Variants in USP45 observed in about 807,000 individuals in gnomAD.
USP45 encodes the protein ubiquitin carboxyl-terminal hydrolase 45.
A neutral mutation model predicts 95.8 loss-of-function variants in USP45; 89 were observed. The observed-to-expected ratio is 0.93, with a 90% CI of 0.78 to 1.11. The LOEUF (loss-of-function observed/expected upper bound fraction) is 1.11, where lower values mean the gene tolerates loss of function less well. USP45 is among the 50% of genes least tolerant of loss of function. USP45 has a pLI of 0.00. For synonymous variants in USP45, 281 were observed against 316.2 expected, an observed-to-expected ratio of 0.89 and a Z score of 1.18; for missense variants, 898 against 942.5, an observed-to-expected ratio of 0.95 and a Z score of 0.62.
At position 99,508,685 on chromosome 6, in the gene USP45, T is replaced by C. The variant is rs1228466165; in HGVS notation, c.198A>G (p.Leu66=). 2.5e-6 allele frequency: 4 copies of C among 1,613,876 alleles called. No homozygotes were observed. The highest frequency in any genetic ancestry group is 3.4e-6 in the Non-Finnish European group (4 of 1,179,932). ...ENLWSVCSEC[L]KERRFYDGQL... ...GCCCATCATAGAATCTTCTTTCTTT[T>C]AAACATTCTGAGCAAACTGACCACA... Residue 66 remains leucine (L), a synonymous_variant, in exon 3 of 18, where the codon TTA becomes TTG. Coordinates refer to ENST00000500704, the MANE Select transcript of USP45 (RefSeq NM_001346022.3).
chr6:99,487,633 C>CAA (rs11335830), intron 7 of USP45, among the ~76,000 whole-genome samples: 12 of 106,386 alleles, frequency 1.1e-4, no homozygotes, highest in South Asian at 3.3e-4. Context: ...ACTAAAAATA[C>CAA]AAAAAAAAAA....
intron 15 of USP45, among the ~76,000 whole-genome samples, chr6:99,441,129 C>T (rs1562297598): frequency 6.7e-6 from 1 of 148,194 alleles, no homozygotes; most frequent in African/African-American, 2.5e-5. Flanking sequence ...CTAGGCCTTA[C>T]GTCTGGCATG....
At chr6:99,472,296 C>A (rs574267229) in intron 9 of USP45, among the ~76,000 whole-genome samples, 1 of 150,810 alleles carries the variant, frequency 6.6e-6, no homozygotes, top group African/African-American at 2.4e-5. Context: ...CAGCTCACTG[C>A]AACCTCCACC....
chr6:99,517,596 A>C (rs897675030), upstream of USP45, among the ~76,000 whole-genome samples: 1 of 126,336 alleles, frequency 7.9e-6, no homozygotes, highest in Non-Finnish European at 1.6e-5. Flanking sequence ...CACCACACAT[A>C]GCTAATTTTT....
intron 14 of USP45, 79 bp from the exon 15 acceptor site, chr6:99,443,741 G>A: frequency 2.3e-6 from 2 of 881,716 alleles, no homozygotes; most frequent in Non-Finnish European, 3.3e-6. Context: ...TTATACAGAA[G>A]TATCATACCA....
chr6:99,507,922 AG>A (rs1798889712), intron 3 of USP45, among the ~76,000 whole-genome samples: 2 of 152,194 alleles, frequency 1.3e-5, no homozygotes, highest in Non-Finnish European at 2.9e-5. Flanking sequence ...TTCCCTCACT[AG>A]GTAAGTAAAG....
At chr6:99,510,718 C>G (rs1222969259) in intron 1 of USP45, among the ~76,000 whole-genome samples, 1 of 152,118 alleles carries the variant, frequency 6.6e-6, no homozygotes, top group Non-Finnish European at 1.5e-5. Context: ...CTTCCCAGCT[C>G]CCAGTATTGT....
At chr6:99,436,117 A>G (rs1040630530) in intron 17 of USP45, among the ~76,000 whole-genome samples, 2 of 152,004 alleles carry the variant, frequency 1.3e-5, no homozygotes, top group Non-Finnish European at 2.9e-5. Context: ...CCTGTCATCT[A>G]CATTACGTAT....
chr6:99,476,080 T>A lies in USP45; in HGVS notation c.933+63A>T. On this transcript the variant is annotated intron_variant, in intron 9 of 17. Transcript: ENST00000500704. The stretch of plus-strand genomic sequence containing the variant: ...GATCCACCCCGCCTTGGCCCCCCAA[T>A]AATCCCTTAGTTTTGTATCCTCTTC... 3 of 1,496,674 alleles carry A rather than the reference T, an allele frequency of 2.0e-6. No homozygotes were observed. The South Asian group carries it at 3.5e-5, about 18-fold the overall frequency. The allele number at this position is 1,496,674 out of a possible 1,614,324, so 92.7% of individuals were successfully genotyped here.
intron 10 of USP45, among the ~76,000 whole-genome samples, chr6:99,467,169 T>C (rs1788173003): frequency 6.6e-6 from 1 of 152,120 alleles, no homozygotes; most frequent in Admixed American, 6.6e-5. Context: ...AAGGCAAGTG[T>C]AAGGAATTAA....
chr6:99,468,650 A>C, intron 9 of USP45, 32 bp from the exon 10 acceptor site: 2 of 1,452,174 alleles, frequency 1.4e-6, no homozygotes, highest in Non-Finnish European at 1.9e-6. Context: ...TTCTGGTCTA[A>C]TAATAGTTAA....
intron 11 of USP45, 118 bp from the exon 12 acceptor site, chr6:99,465,254 T>A: frequency 2.8e-6 from 2 of 718,212 alleles, no homozygotes; most frequent in South Asian, 6.6e-5. Flanking sequence ...TAAAAACTGT[T>A]CCTGAAAAAA....
At chr6:99,476,279 T>C in intron 8 of USP45, 49 bp from the exon 9 acceptor site, 1 of 1,547,872 alleles carries the variant, frequency 6.5e-7, no homozygotes, top group Non-Finnish European at 8.9e-7. Flanking sequence ...AATCATTCCA[T>C]GGTTCATCAA....
Position 99,468,935 on chromosome 6 carries a change from TCTTTCTTC to T in USP45, c.934-325_934-318del, listed in dbSNP as rs530015910. Among the ~76,000 whole-genome samples the T allele has an allele frequency of 2.9e-3, 442 of 152,246 alleles. 3 individuals are homozygous for T. Among genetic ancestry groups the T allele is most frequent in the African/African-American group, 0.01 (418 of 41,570 alleles). On this transcript the variant is annotated intron_variant, in intron 9 of 17. Coordinates refer to ENST00000500704, the MANE Select transcript of USP45 (RefSeq NM_001346022.3). Reference sequence around the variant, plus strand: ...TTGCTTAGCATAAATTAATTTGCCCTCTTTCTTCCTTCTCCCTCTCTCTAAAATGACAC... The same window carrying T: ...TTGCTTAGCATAAATTAATTTGCCCTCTTCTCCCTCTCTCTAAAATGACAC...
rs1780081292 is a variant in USP45, at chr6:99,433,922, T to C, written c.*1794A>G. ...TGGGCAGTGGGGGGATGAAAACTGCTCTTACCAAGATGGCTGACTTGAATA... is the reference window on the plus strand; with the variant it reads ...TGGGCAGTGGGGGGATGAAAACTGCCCTTACCAAGATGGCTGACTTGAATA... On this transcript the variant is annotated 3_prime_UTR_variant, in exon 18 of 18. Coordinates refer to ENST00000500704, the MANE Select transcript of USP45 (RefSeq NM_001346022.3). 1 of 152,168 alleles carries C rather than the reference T, an allele frequency of 6.6e-6. No homozygotes were observed. The highest frequency in any genetic ancestry group is 6.5e-5 in the Admixed American group (1 of 15,270). The allele number at this position is 152,168 out of a possible 1,614,324, so 9.4% of individuals were successfully genotyped here.
chr6:99,439,157 C>T (rs2128528190), intron 16 of USP45, among the ~76,000 whole-genome samples: 1 of 152,290 alleles, frequency 6.6e-6, no homozygotes, highest in South Asian at 2.1e-4. Context: ...ATCTAGACTT[C>T]TAGCCAGTAA....
intron 9 of USP45, 46 bp downstream of exon 9, chr6:99,476,097 A>G (rs753464004): frequency 6.4e-7 from 1 of 1,570,436 alleles, no homozygotes; most frequent in African/African-American, 1.4e-5. Flanking sequence ...TTAGTTTTGT[A>G]TCCTCTTCTT....
intron 1 of USP45, among the ~76,000 whole-genome samples, chr6:99,512,720 T>A (rs1448406015): frequency 6.6e-6 from 1 of 152,210 alleles, no homozygotes; most frequent in African/African-American, 2.4e-5. Context: ...TCATCACTAC[T>A]GAACTAAGTT....
intron 13 of USP45, among the ~76,000 whole-genome samples, chr6:99,456,328 A>G (rs1052358564): frequency 2.1e-5 from 1 of 47,092 alleles, no homozygotes; most frequent in African/African-American, 5.5e-5. Context: ...AGTTAACAAC[A>G]TAGATTACAT....
Sources: gnomAD v4.1 joint callset for allele counts (sites outside exome capture counted in the v4.1 genomes callset) on GRCh38, gnomAD v4.1.1 for gene constraint, MANE v1.5 for transcripts, NCBI Gene and HGNC (gene_info 2026-07-23, HGNC 2026-07-21) for gene names.